ZNF821: variants seen among roughly 807,000 people sequenced by gnomAD.
ZNF821 encodes zinc finger protein 821.
In ZNF821, 16 loss-of-function variants were observed where a neutral mutation model predicts 44.3. The ratio of observed to expected loss-of-function variants is 0.36; its 90% CI spans 0.24 to 0.55. The LOEUF is 0.55. Ranked by LOEUF, ZNF821 falls within the 20% of genes least tolerant of loss-of-function variation. The probability of loss-of-function intolerance (pLI) is 0.86; values close to 1 mark genes in which losing one functional copy is unlikely to be tolerated. For synonymous variants in ZNF821, 204 were observed against 197.6 expected (o/e 1.03, Z -0.27); for missense variants, 436 against 547.6 (o/e 0.80, Z 2.03).
chr16:71,862,318 T>C (rs1486122015), intron 6 of ZNF821, among the ~76,000 whole-genome samples: 1 of 152,010 alleles, frequency 6.6e-6, no homozygotes, highest in African/African-American at 2.4e-5. Flanking sequence ...CTACTAAAAA[T>C]ACAAAAATTA....
intron 6 of ZNF821, among the ~76,000 whole-genome samples, chr16:71,862,277 C>T (rs1415475255): frequency 6.6e-6 from 1 of 152,100 alleles, no homozygotes; most frequent in Non-Finnish European, 1.5e-5. Context: ...GAGTTCAAGA[C>T]CAGCCTGGCC....
Position 71,860,748 on chromosome 16 carries a change from TCC to T in ZNF821, c.585-78_585-77del. The T allele has an allele frequency of 1.4e-5, 21 of 1,473,292 alleles. No individual in the cohort carries two copies. Among genetic ancestry groups the T allele is most frequent in the South Asian group, 1.2e-4 (9 of 76,292 alleles). The allele number at this position is 1,473,292 out of a possible 1,614,324, so 91.3% of individuals were successfully genotyped here. On this transcript the variant is annotated intron_variant, in intron 7 of 7. Coordinates refer to ENST00000425432, the MANE Select transcript of ZNF821 (RefSeq NM_001201552.2). The surrounding 1 kb of genome is among the most constrained non-coding windows in gnomAD (Gnocchi z 7.3). ...GGACTCCAGCCCTGCCTTATTCTTT[TCC>T]TATGAGGCCAGTGGCTCCACGCTCA...
intron 4 of ZNF821, 22 bp from the exon 5 acceptor site, chr16:71,865,070 C>T (rs769957124): frequency 6.2e-7 from 1 of 1,614,044 alleles, no homozygotes; most frequent in Non-Finnish European, 8.5e-7. Context: ...AAACTGGTCA[C>T]TTGTTCTGAT....
rs756085683 is a variant in ZNF821 at position 71,860,616 on chromosome 16, C to A, written c.641G>T (p.Gly214Val). The change falls in exon 8 of 8, where the codon GGT (glycine) becomes GTT (valine). Residue 214 changes from glycine to valine, a missense_variant. Gly to Val is a moderately radical substitution (Grantham distance 109). This residue lies in a region of ZNF821 where 238 missense variants were observed against 281.4 expected (regional missense o/e 0.85). Transcript: ENST00000425432. The surrounding 1 kb of genome is among the most constrained non-coding windows in gnomAD (Gnocchi z 7.3). ...MESLPTVHNE[G>V]PSSAEGKDIA... The stretch of plus-strand genomic sequence containing the variant: ...ATCCTTCCCCTCAGCACTGGAGGGA[C>A]CCTCATTGTGGACTGTGGGTAGGGA... 32 of 1,613,940 alleles carry A rather than the reference C, an allele frequency of 2.0e-5. No homozygotes were observed. Among genetic ancestry groups the A allele is most frequent in the Middle Eastern group, 1.6e-4 (1 of 6,084 alleles).
chr16:71,870,822 C>A (rs1023680738), intron 3 of ZNF821, among the ~76,000 whole-genome samples: 1 of 152,150 alleles, frequency 6.6e-6, no homozygotes, highest in Non-Finnish European at 1.5e-5. Flanking sequence ...CGGGTAGGTG[C>A]ATGTTTTCAG....
intron 4 of ZNF821, among the ~76,000 whole-genome samples, chr16:71,865,497 A>C (rs1050254852): frequency 6.6e-6 from 1 of 152,106 alleles, no homozygotes; most frequent in Non-Finnish European, 1.5e-5. Flanking sequence ...GAACCCCACT[A>C]ATCTCTTCTT....
chr16:71,879,825 AG>A (rs1372015960), intron 3 of ZNF821, 81 bp downstream of exon 3: 1 of 1,299,168 alleles, frequency 7.7e-7, no homozygotes, highest in African/African-American at 1.5e-5. Context: ...AATTAGCGTG[AG>A]CTTCTCCCCT....
intron 4 of ZNF821, among the ~76,000 whole-genome samples, chr16:71,866,258 G>A (rs1279802931): frequency 1.3e-5 from 2 of 152,316 alleles, no homozygotes; most frequent in East Asian, 3.9e-4. Flanking sequence ...ACCAGTATGA[G>A]AGCAACATAT....
At chr16:71,864,725 G>A (rs540180170) in intron 5 of ZNF821, 178 bp downstream of exon 5, 5 of 697,900 alleles carry the variant, frequency 7.2e-6, no homozygotes, top group Admixed American at 3.0e-5. Context: ...AAGGAAAACT[G>A]AGTGTGGCGA....
intron 3 of ZNF821, among the ~76,000 whole-genome samples, chr16:71,872,214 T>C (rs571278514): frequency 2.0e-5 from 3 of 152,306 alleles, no homozygotes; most frequent in African/African-American, 4.8e-5. Flanking sequence ...ATGAAAGTTA[T>C]TAGAAAGGTA....
At position 71,872,887 on chromosome 16, in the gene ZNF821, CAT is replaced by C. The variant is rs544102181; in HGVS notation, c.41-4852_41-4851del. 2.5e-3 allele frequency among the ~76,000 whole-genome samples: 386 copies of C among 152,368 alleles called. 2 individuals carry two copies. Among genetic ancestry groups the C allele is most frequent in the African/African-American group, 8.2e-3 (341 of 41,582 alleles). ...TTGAAGTTGAAAGTTTTAAGTCACT[CAT>C]GTGTTTTACAATCTGAAAGCAAAAG... is the stretch of plus-strand genomic sequence containing the variant. On this transcript the variant is annotated intron_variant, in intron 3 of 7. Transcript: ENST00000425432.
Position 71,867,943 on chromosome 16 carries a change from G to A in ZNF821, c.135C>T (p.Ile45=). Residue 45 remains isoleucine (I), a synonymous_variant, in exon 4 of 8, where the codon ATC becomes ATT. Transcript: ENST00000425432. Reference sequence around the variant, plus strand: ...TGGAGTCCTGATCTCTTAGTTGTTGGATAGCTTGTCGCTGACTGCCAAGGT... The same window carrying A: ...TGGAGTCCTGATCTCTTAGTTGTTGAATAGCTTGTCGCTGACTGCCAAGGT... ...PGDLGSQRQA[I]QQLRDQDSSS... 2 of 1,536,024 alleles carry A rather than the reference G, an allele frequency of 1.3e-6. No individual in the cohort carries two copies. Among genetic ancestry groups the A allele is most frequent in the Admixed American group, 2.0e-5 (1 of 50,988 alleles).
chr16:71,871,039 ATG>A (rs1255758280), intron 3 of ZNF821, among the ~76,000 whole-genome samples: 7 of 152,236 alleles, frequency 4.6e-5, no homozygotes, highest in Admixed American at 3.9e-4. Flanking sequence ...CTAAAAGGAT[ATG>A]TACCTTTCAA....
At chr16:71,868,952 A>G (rs552003901) in intron 3 of ZNF821, among the ~76,000 whole-genome samples, 297 of 152,012 alleles carry the variant, frequency 2.0e-3, no homozygotes, top group Non-Finnish European at 3.2e-3. Context: ...GTGAGCCACC[A>G]TGCCTGGCCA....
intron 3 of ZNF821, 136 bp from the exon 4 acceptor site, chr16:71,868,173 G>T: frequency 9.9e-7 from 1 of 1,006,794 alleles, no homozygotes; most frequent in Non-Finnish European, 1.4e-6. Context: ...CTCCAAGTCA[G>T]CTTGCTGCCT....
chr16:71,865,150 A>G, intron 4 of ZNF821, 102 bp from the exon 5 acceptor site: 1 of 1,407,482 alleles, frequency 7.1e-7, no homozygotes, highest in Non-Finnish European at 9.8e-7. Context: ...ACATTTTCAG[A>G]TCTTCCATAA....
At chr16:71,875,305 G>GCT (rs1398913292) in intron 3 of ZNF821, among the ~76,000 whole-genome samples, 2 of 151,710 alleles carry the variant, frequency 1.3e-5, no homozygotes, top group Non-Finnish European at 2.9e-5. Flanking sequence ...TTTTTGAGAT[G>GCT]GAGTCTCACT....
At chr16:71,888,566 G>T (rs2036870602), upstream of ZNF821, among the ~76,000 whole-genome samples, 1 of 152,088 alleles carries the variant, frequency 6.6e-6, no homozygotes, top group South Asian at 2.1e-4. Flanking sequence ...TATCCTTGTT[G>T]AGAATCAATT....
upstream of ZNF821, among the ~76,000 whole-genome samples, chr16:71,884,362 C>A (rs991040260): frequency 3.9e-5 from 6 of 152,056 alleles, no homozygotes; most frequent in Non-Finnish European, 7.4e-5. Flanking sequence ...GGCTCGCCCG[C>A]GTTCCAGGGC....
Sources: gnomAD v4.1 joint callset for allele counts (sites outside exome capture counted in the v4.1 genomes callset) on GRCh38, gnomAD v4.1.1 for gene constraint, gnomAD v4.1.1 regional missense constraint, Gnocchi (gnomAD v3.1) non-coding constraint, MANE v1.5 for transcripts, NCBI Gene and HGNC (gene_info 2026-07-23, HGNC 2026-07-21) for gene names.